VAT1L: variants seen among roughly 807,000 people sequenced by gnomAD.
The protein encoded by VAT1L is vesicle amine transport 1 like.
In VAT1L, 34 loss-of-function variants were observed where a neutral mutation model predicts 44.1. That is an observed-to-expected ratio of 0.77 (90% CI 0.59 to 1.03). VAT1L has a LOEUF of 1.03. Among genes scored for constraint, VAT1L ranks in the 50% least tolerant of loss-of-function variants. The probability of loss-of-function intolerance (pLI) is 0.00; values close to 1 mark genes in which losing one functional copy is unlikely to be tolerated. For missense variants in VAT1L, 615 were observed against 538.8 expected (o/e 1.14, Z -1.40); for synonymous variants, 253 against 202.2 (o/e 1.25, Z -2.13).
At chr16:77,863,391 G>GC (rs1380717616) in intron 4 of VAT1L, among the ~76,000 whole-genome samples, 26 of 152,334 alleles carry the variant, frequency 1.7e-4, no homozygotes, top group South Asian at 1.2e-3. Context: ...TCATAGTCTA[G>GC]CACTACTGCT....
intron 1 of VAT1L, among the ~76,000 whole-genome samples, chr16:77,806,687 GAAC>G (rs1461002849): frequency 6.6e-6 from 1 of 152,082 alleles, no homozygotes; most frequent in Admixed American, 6.6e-5. Flanking sequence ...TTTTCTATGG[GAAC>G]AACTGTTTTT....
At chr16:77,925,121 A>G (rs533882319) in intron 7 of VAT1L, among the ~76,000 whole-genome samples, 1 of 152,104 alleles carries the variant, frequency 6.6e-6, no homozygotes, top group African/African-American at 2.4e-5. Context: ...TGCCTTCCCT[A>G]CCACCAAGCA....
intron 3 of VAT1L, among the ~76,000 whole-genome samples, chr16:77,856,441 A>G (rs995545896): frequency 6.6e-6 from 1 of 152,178 alleles, no homozygotes; most frequent in South Asian, 2.1e-4. Context: ...TCCCAATCTC[A>G]AAACTGTTAT....
At chr16:77,900,219 G>A (rs888770001) in intron 7 of VAT1L, among the ~76,000 whole-genome samples, 22 of 152,086 alleles carry the variant, frequency 1.4e-4, no homozygotes, top group African/African-American at 4.8e-4. Flanking sequence ...GTAGAGCTGG[G>A]AATCCAAGCC....
intron 7 of VAT1L, among the ~76,000 whole-genome samples, chr16:77,903,739 T>C (rs1255888988): frequency 6.7e-6 from 1 of 149,540 alleles, no homozygotes; most frequent in East Asian, 1.9e-4. Context: ...CATTACTTTT[T>C]TTTTTTTTTT....
intron 3 of VAT1L, among the ~76,000 whole-genome samples, chr16:77,842,505 G>A (rs983577375): frequency 1.1e-4 from 16 of 152,362 alleles, no homozygotes; most frequent in African/African-American, 3.1e-4. Flanking sequence ...CCTGTGCGGA[G>A]TGGGGGAATG....
chr16:77,965,410 T>G (rs1454974325), intron 7 of VAT1L, among the ~76,000 whole-genome samples: 17 of 152,172 alleles, frequency 1.1e-4, no homozygotes, highest in Non-Finnish European at 2.9e-5. Context: ...TGCTGTCAAA[T>G]TGGCCTCCCA....
chr16:77,966,511 G>T (rs4888701), intron 7 of VAT1L, among the ~76,000 whole-genome samples: 2 of 152,136 alleles, frequency 1.3e-5, no homozygotes, highest in Non-Finnish European at 2.9e-5. Context: ...AGTGGTGGAC[G>T]TGAGTGTGTG....
intron 1 of VAT1L, among the ~76,000 whole-genome samples, chr16:77,803,580 C>T (rs150858786): frequency 0.047 from 7,144 of 151,858 alleles, 235 homozygotes; most frequent in Non-Finnish European, 0.073. Context: ...CCACCACGCC[C>T]GGCTAATTTT....
chr16:77,860,083 A>G (rs1400435516), intron 3 of VAT1L, among the ~76,000 whole-genome samples: 1 of 152,182 alleles, frequency 6.6e-6, no homozygotes, highest in Non-Finnish European at 1.5e-5. Context: ...CAGGGAGAAT[A>G]GGCACATCTA....
intron 3 of VAT1L, among the ~76,000 whole-genome samples, chr16:77,844,624 G>T (rs943489417): frequency 4.0e-5 from 6 of 151,830 alleles, no homozygotes; most frequent in African/African-American, 1.5e-4. Flanking sequence ...GGCCGAGCTG[G>T]TCTCAAACTC....
chr16:77,874,558 C>T (rs563108723), intron 4 of VAT1L, among the ~76,000 whole-genome samples: 2 of 152,126 alleles, frequency 1.3e-5, no homozygotes, highest in East Asian at 3.9e-4. Context: ...CATGCTGTTC[C>T]CTCTGCCTAG....
intron 7 of VAT1L, among the ~76,000 whole-genome samples, chr16:77,958,100 C>T (rs553321149): frequency 6.6e-6 from 1 of 152,000 alleles, no homozygotes; most frequent in African/African-American, 2.4e-5. Context: ...TAGAGATGAG[C>T]ATTTGCCATG....
chr16:77,839,801 T>C (rs1232091285), intron 3 of VAT1L, among the ~76,000 whole-genome samples: 1 of 152,102 alleles, frequency 6.6e-6, no homozygotes, highest in Non-Finnish European at 1.5e-5. Flanking sequence ...AGCAGTTCAA[T>C]AAGAATTAAA....
intron 3 of VAT1L, among the ~76,000 whole-genome samples, chr16:77,848,428 C>T (rs1017442274): frequency 6.6e-6 from 1 of 152,142 alleles, no homozygotes; most frequent in African/African-American, 2.4e-5. Context: ...CTTGGCCCCC[C>T]ATGTGGGATT....
intron 7 of VAT1L, among the ~76,000 whole-genome samples, chr16:77,914,976 T>G (rs566159000): frequency 6.6e-6 from 1 of 152,072 alleles, no homozygotes; most frequent in Non-Finnish European, 1.5e-5. Context: ...AAATACAAAA[T>G]TAGCCAGGCC....
chr16:77,962,739 AGAAGGAAGGAAGGAAG>A (rs200754303), intron 7 of VAT1L, among the ~76,000 whole-genome samples: 14 of 129,446 alleles, frequency 1.1e-4, no homozygotes, highest in South Asian at 5.7e-4. Context: ...AAAGAAGGAA[AGAAGGAAGGAAGGAAG>A]GAAGGAAGGA....
At chr16:77,795,498 G>A (rs1317198469) in intron 1 of VAT1L, among the ~76,000 whole-genome samples, 1 of 152,164 alleles carries the variant, frequency 6.6e-6, no homozygotes, top group Admixed American at 6.5e-5. Flanking sequence ...CTGATGGCTT[G>A]TTTGTAGTAG....
intron 2 of VAT1L, among the ~76,000 whole-genome samples, chr16:77,823,723 T>C (rs1033077657): frequency 2.6e-5 from 4 of 152,198 alleles, no homozygotes; most frequent in Admixed American, 6.5e-5. Context: ...AATGTACATA[T>C]AGAAAAACCT....
Sources: allele counts gnomAD v4.1 joint callset (sites outside exome capture counted in the v4.1 genomes callset), GRCh38; gene constraint gnomAD v4.1.1; transcripts MANE v1.5; gene names NCBI Gene and HGNC (gene_info 2026-07-23, HGNC 2026-07-21).